Variants in WWP1 observed in about 807,000 individuals in gnomAD.
WWP1 encodes the protein WW domain containing E3 ubiquitin protein ligase 1.
A neutral mutation model predicts 130.6 loss-of-function variants in WWP1; 49 were observed. The ratio of observed to expected loss-of-function variants is 0.38; its 90% confidence interval spans 0.30 to 0.48. WWP1 has a LOEUF of 0.48. WWP1 is among the 20% of genes least tolerant of loss of function. The pLI, the probability that WWP1 is intolerant of heterozygous loss-of-function variation, is 0.99. For missense variants in WWP1, 809 were observed against 1,100.6 expected, an observed-to-expected ratio of 0.74 and a Z score of 3.75; for synonymous variants, 332 against 367.8, an observed-to-expected ratio of 0.90 and a Z score of 1.11.
At chr8:86,352,249 C>T (rs1822976694) in intron 1 of WWP1, among the ~76,000 whole-genome samples, 1 of 150,700 alleles carries the variant, frequency 6.6e-6, no homozygotes, top group African/African-American at 2.4e-5. Context: ...TATTTTAAGA[C>T]AGAGTCTTAC....
At chr8:86,360,103 G>A (rs918761084) in intron 1 of WWP1, among the ~76,000 whole-genome samples, 6 of 150,458 alleles carry the variant, frequency 4.0e-5, no homozygotes, top group Admixed American at 6.6e-5. Context: ...TATCTTTTAC[G>A]CTTCTGTTTC....
At chr8:86,403,613 T>C (rs1808120810) in intron 8 of WWP1, among the ~76,000 whole-genome samples, 1 of 152,104 alleles carries the variant, frequency 6.6e-6, no homozygotes, top group Non-Finnish European at 1.5e-5. Flanking sequence ...GTCTTAATTG[T>C]GTATTTTTAC....
At chr8:86,397,406 TAAACC>T (rs1265005239) in intron 5 of WWP1, among the ~76,000 whole-genome samples, 1 of 140,794 alleles carries the variant, frequency 7.1e-6, no homozygotes, top group Non-Finnish European at 1.5e-5. Context: ...GTGGAATAAT[TAAACC>T]AAACTTATTA....
intron 14 of WWP1, 63 bp downstream of exon 14, chr8:86,431,806 T>C (rs942361179): frequency 1.3e-6 from 2 of 1,588,534 alleles, no homozygotes; most frequent in Non-Finnish European, 8.6e-7. Flanking sequence ...ATTTAGTCTC[T>C]AATTTATCCT....
At position 86,342,624 on chromosome 8, in the gene WWP1, T is replaced by G; in HGVS notation, c.-421T>G. The G allele has an allele frequency of 5.0e-6, 1 of 199,886 alleles. No homozygotes were observed. Among genetic ancestry groups the G allele is most frequent in the Non-Finnish European group, 9.8e-6 (1 of 101,738 alleles). The allele number at this position is 199,886 out of a possible 1,614,324, so 12.4% of individuals were successfully genotyped here. ...CCGGGGCCGGCGGGGAGGCGCGCGC[T>G]TAGGGCGCGGCGCCGGCGACGCGGC... On this transcript the variant is annotated 5_prime_UTR_variant, in exon 1 of 25. Transcript: ENST00000517970.
chr8:86,367,533 A>G (rs775097803), intron 1 of WWP1, among the ~76,000 whole-genome samples: 1 of 152,186 alleles, frequency 6.6e-6, no homozygotes, highest in Non-Finnish European at 1.5e-5. Context: ...TTTATTATCT[A>G]CATTCAGGAC....
intron 14 of WWP1, among the ~76,000 whole-genome samples, chr8:86,434,646 TA>T (rs945094682): frequency 6.6e-6 from 1 of 152,224 alleles, no homozygotes; most frequent in Non-Finnish European, 1.5e-5. Flanking sequence ...TTATTTATTA[TA>T]TTTTTTTGTC....
At chr8:86,461,064 C>T (rs949561384) in intron 22 of WWP1, among the ~76,000 whole-genome samples, 160 bp from the exon 23 acceptor site, 1 of 152,042 alleles carries the variant, frequency 6.6e-6, no homozygotes, top group African/African-American at 2.4e-5. Flanking sequence ...CTGCTTCGGC[C>T]TCCCAAAATG....
intron 9 of WWP1, among the ~76,000 whole-genome samples, chr8:86,414,250 T>A (rs925271490): frequency 3.7e-5 from 5 of 136,274 alleles, no homozygotes; most frequent in African/African-American, 1.2e-4. Context: ...TGTGTGTGTA[T>A]GTGTGTGTAT....
At chr8:86,452,200 C>T (rs1488695747) in intron 20 of WWP1, among the ~76,000 whole-genome samples, 2 of 151,942 alleles carry the variant, frequency 1.3e-5, no homozygotes, top group Non-Finnish European at 1.5e-5. Flanking sequence ...CCGGTGGGCA[C>T]ATGATATTTG....
At chr8:86,409,037 T>C (rs566437235) in intron 8 of WWP1, among the ~76,000 whole-genome samples, 10 of 152,188 alleles carry the variant, frequency 6.6e-5, no homozygotes, top group Admixed American at 5.9e-4. Flanking sequence ...TTAAAAAAAT[T>C]TTCTTGTGTA....
intron 4 of WWP1, 97 bp downstream of exon 4, chr8:86,380,961 G>C: frequency 7.5e-7 from 1 of 1,338,240 alleles, no homozygotes; most frequent in African/African-American, 1.5e-5. Context: ...AGTAATGAGT[G>C]ATTTTTTTAA....
At chr8:86,364,827 GA>G (rs10595031) in intron 1 of WWP1, among the ~76,000 whole-genome samples, 1 of 122,634 alleles carries the variant, frequency 8.2e-6, no homozygotes, top group Admixed American at 7.7e-5. Context: ...AAGAAAGAAA[GA>G]AAGAAAGAGA....
At chr8:86,433,682 G>A (rs533366893) in intron 14 of WWP1, among the ~76,000 whole-genome samples, 7 of 152,044 alleles carry the variant, frequency 4.6e-5, no homozygotes, top group East Asian at 1.9e-4. Flanking sequence ...GGTGGCTCAC[G>A]CCTATAATCC....
intron 18 of WWP1, among the ~76,000 whole-genome samples, chr8:86,447,270 T>G (rs886923010): frequency 2.6e-5 from 4 of 152,066 alleles, no homozygotes; most frequent in Non-Finnish European, 5.9e-5. Context: ...AGGGAGTTAT[T>G]TTATTTTATT....
chr8:86,380,510 T>C (rs1824923109), intron 3 of WWP1, among the ~76,000 whole-genome samples: 1 of 152,184 alleles, frequency 6.6e-6, no homozygotes, highest in African/African-American at 2.4e-5. Flanking sequence ...AGTGGGTGAA[T>C]TATATGATAT....
intron 5 of WWP1, among the ~76,000 whole-genome samples, chr8:86,383,078 G>C (rs911637701): frequency 3.3e-5 from 5 of 152,098 alleles, no homozygotes; most frequent in Non-Finnish European, 5.9e-5. Context: ...ATTAGAACTA[G>C]TAATTAGTAG....
At chr8:86,407,581 C>G (rs2130540622) in intron 8 of WWP1, among the ~76,000 whole-genome samples, 1 of 152,250 alleles carries the variant, frequency 6.6e-6, no homozygotes, top group Non-Finnish European at 1.5e-5. Flanking sequence ...AGAATCTTCC[C>G]TAGTCAAGAA....
chr8:86,367,381 ATTTCTTTCTTTCTTTCTC>A (rs1824031195), intron 1 of WWP1, among the ~76,000 whole-genome samples: 2 of 152,114 alleles, frequency 1.3e-5, no homozygotes, highest in Non-Finnish European at 2.9e-5. Flanking sequence ...TTCTAATTGG[ATTTCTTTCTTTCTTTCTC>A]TTTCTTTCTT....
Sources: gnomAD v4.1 joint callset for allele counts (sites outside exome capture counted in the v4.1 genomes callset) on GRCh38, gnomAD v4.1.1 for gene constraint, MANE v1.5 for transcripts, NCBI Gene and HGNC (gene_info 2026-07-23, HGNC 2026-07-21) for gene names.